The following NTM variants were observed in gnomAD, a reference collection of about 807,000 sequenced individuals.
The protein encoded by NTM is IgLON family member 2.
A neutral mutation model predicts 42.1 loss-of-function variants in NTM; 13 were observed. The observed-to-expected ratio is 0.31, with a 90% CI of 0.20 to 0.49. NTM has a LOEUF of 0.49. Ranked by LOEUF, NTM falls within the 20% of genes least tolerant of loss-of-function variation. The probability of loss-of-function intolerance (pLI) is 0.99; values close to 1 mark genes in which losing one functional copy is unlikely to be tolerated. For missense variants in NTM, 373 were observed against 452.8 expected (o/e 0.82, Z 1.60); for synonymous variants, 187 against 179.2 (o/e 1.04, Z -0.35).
At chr11:131,823,150 G>C (rs2093262070) in intron 1 of NTM, among the ~76,000 whole-genome samples, 1 of 152,166 alleles carries the variant, frequency 6.6e-6, no homozygotes, top group Admixed American at 6.5e-5. Context: ...ACTTGGGAGG[G>C]GAGATACACT....
intron 1 of NTM, among the ~76,000 whole-genome samples, chr11:131,513,038 G>T (rs546965574): frequency 6.6e-6 from 1 of 152,114 alleles, no homozygotes; most frequent in Admixed American, 6.5e-5. Context: ...ACCTTGTTTT[G>T]CTCCGTGACT....
intron 1 of NTM, among the ~76,000 whole-genome samples, chr11:131,479,145 C>T (rs1953275253): frequency 6.6e-6 from 1 of 152,200 alleles, no homozygotes; most frequent in Non-Finnish European, 1.5e-5. Context: ...TGAGTACCTG[C>T]TATATGCCTT....
At chr11:131,665,034 A>C (rs2068789465) in intron 1 of NTM, among the ~76,000 whole-genome samples, 1 of 152,116 alleles carries the variant, frequency 6.6e-6, no homozygotes, top group East Asian at 1.9e-4. Context: ...GTACCCACCA[A>C]GCCTTAGGGA....
Position 131,613,074 on chromosome 11 carries a change from C to T in NTM, c.82+242186C>T, listed in dbSNP as rs144071549. On this transcript the variant is annotated intron_variant, in intron 1 of 8. Transcript: ENST00000683400. ...CTTCCGTGTGCCTCCCTGGTCTGTC[C>T]TCCTCATTCAAGCTTCTCTTCCTCC... is the stretch of plus-strand genomic sequence containing the variant. 3.0e-3 allele frequency among the ~76,000 whole-genome samples: 454 copies of T among 152,308 alleles called. 2 individuals carry two copies. Among genetic ancestry groups the T allele is most frequent in the African/African-American group, 0.01 (424 of 41,560 alleles).
At chr11:131,568,645 G>A (rs2137064198) in intron 1 of NTM, among the ~76,000 whole-genome samples, 2 of 152,212 alleles carry the variant, frequency 1.3e-5, no homozygotes, top group African/African-American at 4.8e-5. Flanking sequence ...AATCCAACAT[G>A]GTGGGAAGAG....
intron 1 of NTM, among the ~76,000 whole-genome samples, chr11:131,866,606 T>TA (rs1470688828): frequency 6.6e-6 from 1 of 152,368 alleles, no homozygotes; most frequent in African/African-American, 2.4e-5. Context: ...GGACTAAAAA[T>TA]ACCTGCGCCC....
At chr11:132,197,464 G>GT (rs200954788) in intron 3 of NTM, among the ~76,000 whole-genome samples, 1,751 of 146,424 alleles carry the variant, frequency 0.012, 18 homozygotes, top group African/African-American at 0.035. Context: ...ATTAGGTATT[G>GT]TTTTTTTTTT....
In NTM at chr11:131,592,884, C is replaced by G. The variant is rs549736350; in HGVS notation, c.82+221996C>G. Among the ~76,000 whole-genome samples the G allele has an allele frequency of 3.3e-5, 5 of 152,342 alleles. No homozygotes were observed. In the East Asian group the frequency reaches 9.7e-4, roughly 29 times the overall value. On this transcript the variant is annotated intron_variant, in intron 1 of 8. Coordinates refer to ENST00000683400, the MANE Select transcript of NTM (RefSeq NM_001352005.2). Reference sequence around the variant, plus strand: ...CAGATGTGCAGCAGCCTGCCATCATCTCTGATGCTGCCCTTCCCTGCCAAT... The same window carrying G: ...CAGATGTGCAGCAGCCTGCCATCATGTCTGATGCTGCCCTTCCCTGCCAAT...
At chr11:131,740,144 T>C (rs1324469141) in intron 1 of NTM, among the ~76,000 whole-genome samples, 1 of 152,186 alleles carries the variant, frequency 6.6e-6, no homozygotes. Context: ...ATGAATGAGA[T>C]CACAGTGGTG....
intron 1 of NTM, among the ~76,000 whole-genome samples, chr11:131,618,160 G>T (rs1329152697): frequency 6.6e-6 from 1 of 152,182 alleles, no homozygotes; most frequent in Non-Finnish European, 1.5e-5. Flanking sequence ...AAGCAGTTAG[G>T]TATAACTCTG....
intron 1 of NTM, among the ~76,000 whole-genome samples, chr11:131,490,375 A>G (rs993298223): frequency 5.9e-5 from 9 of 152,196 alleles, no homozygotes; most frequent in Non-Finnish European, 1.3e-4. Flanking sequence ...TGTTGTTTTC[A>G]TTATCTATTG....
intron 3 of NTM, among the ~76,000 whole-genome samples, chr11:132,168,417 C>G (rs1057485023): frequency 3.3e-5 from 5 of 152,118 alleles, no homozygotes; most frequent in Non-Finnish European, 5.9e-5. Context: ...CATTGTAATT[C>G]TGTGGTAGCC....
intron 4 of NTM, chr11:132,306,342 AG>A (rs2095080408): frequency 6.6e-6 from 1 of 152,152 alleles, no homozygotes; most frequent in African/African-American, 2.4e-5. Flanking sequence ...GCATTATGGA[AG>A]GGTTTTCTCA....
intron 1 of NTM, among the ~76,000 whole-genome samples, chr11:131,765,825 G>A (rs2085008675): frequency 6.6e-6 from 1 of 152,158 alleles, no homozygotes; most frequent in Non-Finnish European, 1.5e-5. Flanking sequence ...CCAAGATCGA[G>A]GACTGCAACC....
chr11:132,225,692 C>A (rs554090168), intron 4 of NTM, among the ~76,000 whole-genome samples: 3 of 152,142 alleles, frequency 2.0e-5, no homozygotes, highest in African/African-American at 7.2e-5. Flanking sequence ...TAAATGTTTC[C>A]TTTTTTACCT....
At chr11:132,285,196 C>G (rs1246578780) in intron 4 of NTM, 1 of 152,538 alleles carries the variant, frequency 6.6e-6, no homozygotes, top group Admixed American at 6.5e-5. Flanking sequence ...CCCATCTGCC[C>G]CTCAGAGGCC....
intron 4 of NTM, among the ~76,000 whole-genome samples, chr11:132,243,524 C>T (rs1406956626): frequency 6.6e-6 from 1 of 152,162 alleles, no homozygotes; most frequent in Non-Finnish European, 1.5e-5. Flanking sequence ...TCTGCACGCT[C>T]AGAGCCCCAG....
intron 4 of NTM, among the ~76,000 whole-genome samples, chr11:132,293,101 G>A (rs1456983323): frequency 6.6e-6 from 1 of 152,100 alleles, no homozygotes; most frequent in Non-Finnish European, 1.5e-5. Context: ...AATAGTGGTA[G>A]GAGTGAGGAT....
intron 1 of NTM, among the ~76,000 whole-genome samples, chr11:131,374,366 C>A (rs895597590): frequency 1.3e-5 from 2 of 152,214 alleles, no homozygotes; most frequent in Non-Finnish European, 1.5e-5. Context: ...CGGCAGGTCT[C>A]GCTGCATGAA....
Sources: allele counts gnomAD v4.1 joint callset (sites outside exome capture counted in the v4.1 genomes callset), GRCh38; gene constraint gnomAD v4.1.1; transcripts MANE v1.5; gene names NCBI Gene and HGNC (gene_info 2026-07-23, HGNC 2026-07-21).